VPS45: variants seen among roughly 807,000 people sequenced by gnomAD.
VPS45 encodes vacuolar protein sorting-associated protein 45.
VPS45 carries 35 observed loss-of-function variants against 75.9 expected under a neutral mutation model. The observed-to-expected ratio is 0.46, with a 90% confidence interval of 0.35 to 0.61. The LOEUF is 0.61. Among genes scored for constraint, VPS45 ranks in the 20% least tolerant of loss-of-function variants. The pLI, the probability that VPS45 is intolerant of heterozygous loss-of-function variation, is 0.00. For synonymous variants in VPS45, 220 were observed against 238.2 expected (o/e 0.92, Z 0.70); for missense variants, 559 against 685.9 (o/e 0.81, Z 2.07).
In VPS45 at chr1:150,145,267, A is replaced by G. The variant is rs1553816394; in HGVS notation, c.*471A>G. On this transcript the variant is annotated 3_prime_UTR_variant, in exon 15 of 15. Coordinates refer to ENST00000644510, the MANE Select transcript of VPS45 (RefSeq NM_007259.5). Reference sequence around the variant, plus strand: ...CAAAAATTTTTTGTCCCTACATAGCAATTTTCTGTGGCACTGAGAAACCAT... The same window carrying G: ...CAAAAATTTTTTGTCCCTACATAGCGATTTTCTGTGGCACTGAGAAACCAT... The G allele has an allele frequency of 5.5e-6, 1 of 181,658 alleles. No individual in the cohort carries two copies. Among genetic ancestry groups the G allele is most frequent in the Non-Finnish European group, 1.2e-5 (1 of 86,920 alleles). 11.3% of individuals were successfully genotyped at this position (181,658 alleles called of 1,614,324 possible).
At chr1:150,105,449 A>G (rs185298194) in intron 13 of VPS45, among the ~76,000 whole-genome samples, 21 of 152,338 alleles carry the variant, frequency 1.4e-4, no homozygotes, top group African/African-American at 4.8e-4. Flanking sequence ...AACATACAAA[A>G]ATGAGTAACA....
intron 14 of VPS45, among the ~76,000 whole-genome samples, chr1:150,140,386 GGTGTGTGTGTGTGT>G (rs574312693): frequency 0.015 from 2,057 of 140,424 alleles, 35 homozygotes; most frequent in African/African-American, 0.051. Context: ...CATCACTTCT[GGTGTGTGTGTGTGT>G]GTGTGTGTGT....
intron 14 of VPS45, among the ~76,000 whole-genome samples, chr1:150,125,103 CTTTTA>C (rs1658435109): frequency 6.6e-6 from 1 of 150,626 alleles, no homozygotes; most frequent in Non-Finnish European, 1.5e-5. Flanking sequence ...TGCAAGTTTA[CTTTTA>C]TTTTTTATTT....
chr1:150,070,606 C>T (rs1348191028), intron 2 of VPS45, among the ~76,000 whole-genome samples: 2 of 146,384 alleles, frequency 1.4e-5, no homozygotes, highest in African/African-American at 5.1e-5. Flanking sequence ...TCCTGGCCAA[C>T]ATGGTGAAAC....
intron 4 of VPS45, 58 bp downstream of exon 4, chr1:150,076,370 T>G: frequency 7.2e-7 from 1 of 1,396,164 alleles, no homozygotes; most frequent in Non-Finnish European, 9.8e-7. Flanking sequence ...AATATTTGAG[T>G]CTAAAAATAA....
At chr1:150,106,459 G>C (rs1017558132) in intron 13 of VPS45, among the ~76,000 whole-genome samples, 1 of 152,062 alleles carries the variant, frequency 6.6e-6, no homozygotes, top group East Asian at 1.9e-4. Context: ...GCCAAAAAAC[G>C]CTTGAAAAAA....
chr1:150,113,701 GC>G (rs1309399431), intron 14 of VPS45, among the ~76,000 whole-genome samples: 2 of 151,890 alleles, frequency 1.3e-5, no homozygotes, highest in East Asian at 1.9e-4. Flanking sequence ...TTTGAGACCA[GC>G]CTGGCCAACA....
At chr1:150,097,801 A>G (rs1381197427) in intron 13 of VPS45, among the ~76,000 whole-genome samples, 1 of 151,978 alleles carries the variant, frequency 6.6e-6, no homozygotes, top group Non-Finnish European at 1.5e-5. Flanking sequence ...TATTATATAT[A>G]TAATATATTT....
intron 13 of VPS45, chr1:150,110,245 T>C: frequency 2.7e-6 from 1 of 374,468 alleles, no homozygotes; most frequent in Non-Finnish European, 4.9e-6. Flanking sequence ...TGTGCTATTC[T>C]GAAATCCACA....
intron 9 of VPS45, among the ~76,000 whole-genome samples, chr1:150,082,366 T>C (rs1282531483): frequency 1.3e-5 from 2 of 151,706 alleles, no homozygotes; most frequent in Non-Finnish European, 2.9e-5. Flanking sequence ...ATTAGCCAGG[T>C]GTGGTGGCGC....
chr1:150,077,414 GTTTAACCCAAGAAACATTCACAAGCTA>G, intron 6 of VPS45, 183 bp downstream of exon 6: 1 of 865,878 alleles, frequency 1.2e-6, no homozygotes, highest in Non-Finnish European at 1.7e-6. Context: ...AGATTCTTAG[GTTTAACCCAAGAAACATTCACAAGCTA>G]TTTAACTTTT....
At chr1:150,091,876 G>C in intron 10 of VPS45, 61 bp from the exon 11 acceptor site, 1 of 1,481,650 alleles carries the variant, frequency 6.7e-7, no homozygotes, top group Non-Finnish European at 9.3e-7. Context: ...TAGATCTAAG[G>C]CATTGTACAA....
chr1:150,073,280 C>T (rs1401766020), intron 3 of VPS45, among the ~76,000 whole-genome samples: 1 of 152,054 alleles, frequency 6.6e-6, no homozygotes, highest in African/African-American at 2.4e-5. Flanking sequence ...TTAAAGCTTA[C>T]TTAAAGGTAT....
intron 14 of VPS45, among the ~76,000 whole-genome samples, chr1:150,127,575 A>C (rs1658582938): frequency 6.6e-6 from 1 of 152,238 alleles, no homozygotes. Flanking sequence ...GGCATGAGCC[A>C]CCACACCCAG....
chr1:150,134,005 A>G (rs995545694), intron 14 of VPS45, among the ~76,000 whole-genome samples: 2 of 151,060 alleles, frequency 1.3e-5, no homozygotes, highest in East Asian at 1.9e-4. Context: ...GTTTTGTTTC[A>G]TTTCATAAAT....
At chr1:150,120,251 A>AT (rs1227903534) in intron 14 of VPS45, among the ~76,000 whole-genome samples, 1 of 152,244 alleles carries the variant, frequency 6.6e-6, no homozygotes, top group Non-Finnish European at 1.5e-5. Flanking sequence ...ATCCCAGAAA[A>AT]TAACAAGTAC....
intron 13 of VPS45, among the ~76,000 whole-genome samples, chr1:150,101,958 T>G (rs1553804475): frequency 6.6e-6 from 1 of 151,954 alleles, no homozygotes; most frequent in African/African-American, 2.4e-5. Flanking sequence ...CACATGCAGC[T>G]GGACACGGTG....
intron 14 of VPS45, among the ~76,000 whole-genome samples, chr1:150,120,460 G>A (rs1437163040): frequency 6.6e-6 from 1 of 152,098 alleles, no homozygotes; most frequent in African/African-American, 2.4e-5. Context: ...TTTAGTGTAA[G>A]AACAGAGCCT....
chr1:150,099,149 CT>C, intron 13 of VPS45: 4 of 845,400 alleles, frequency 4.7e-6, no homozygotes, highest in Non-Finnish European at 5.7e-6. Context: ...AAAATGTTGC[CT>C]TTTGAAAGTT....
Sources: gnomAD v4.1 joint callset for allele counts (sites outside exome capture counted in the v4.1 genomes callset) on GRCh38, gnomAD v4.1.1 for gene constraint, MANE v1.5 for transcripts, NCBI Gene and HGNC (gene_info 2026-07-23, HGNC 2026-07-21) for gene names.